The following MINDY4 variants were observed in gnomAD, a reference collection of about 807,000 sequenced individuals.
MINDY4 encodes the protein probable ubiquitin carboxyl-terminal hydrolase MINDY-4.
Under a neutral mutation model 87.0 loss-of-function variants are expected in MINDY4, and 68 were observed. That is an observed-to-expected ratio of 0.78 (90% confidence interval 0.64 to 0.96). The LOEUF (loss-of-function observed/expected upper bound fraction) is 0.96. MINDY4 is among the 40% of genes least tolerant of loss of function. The pLI, the probability that MINDY4 is intolerant of heterozygous loss-of-function variation, is 0.00. For synonymous variants in MINDY4, 379 were observed against 363.2 expected (o/e 1.04, Z -0.50); for missense variants, 919 against 928.2 (o/e 0.99, Z 0.13).
At chr7:30,836,958 G>A (rs11972068) in intron 7 of MINDY4, among the ~76,000 whole-genome samples, 194 bp downstream of exon 7, 2,101 of 152,188 alleles carry the variant, frequency 0.014, 53 homozygotes, top group African/African-American at 0.048. Flanking sequence ...TGCAGCTCTC[G>A]TTCCCTCTCC....
chr7:30,870,162 A>G (rs1474366397), intron 13 of MINDY4, among the ~76,000 whole-genome samples: 2 of 151,912 alleles, frequency 1.3e-5, no homozygotes, highest in African/African-American at 4.8e-5. Context: ...ATTTCCTCCC[A>G]TTGTCCTTTC....
At chr7:30,886,417 C>G (rs566225780) in intron 17 of MINDY4, among the ~76,000 whole-genome samples, 1 of 152,336 alleles carries the variant, frequency 6.6e-6, no homozygotes, top group South Asian at 2.1e-4. Context: ...GCTCTGTTGC[C>G]CTGCAAGAAC....
chr7:30,836,871 C>A, intron 7 of MINDY4, 107 bp downstream of exon 7: 1 of 840,872 alleles, frequency 1.2e-6, no homozygotes, highest in Non-Finnish European at 1.9e-6. Context: ...ATCTCTTGGT[C>A]ATTGTTGAAA....
At chr7:30,843,516 A>C (rs1350794872) in intron 9 of MINDY4, among the ~76,000 whole-genome samples, 1 of 149,832 alleles carries the variant, frequency 6.7e-6, no homozygotes, top group Non-Finnish European at 1.5e-5. Flanking sequence ...GTTTCCCAAC[A>C]GTCAGGACAA....
chr7:30,816,978 T>G (rs1241415502), intron 5 of MINDY4, among the ~76,000 whole-genome samples: 1 of 152,198 alleles, frequency 6.6e-6, no homozygotes, highest in Admixed American at 6.5e-5. Context: ...CTACACATTG[T>G]GATAGTTAGT....
In MINDY4 at chr7:30,839,275, A is replaced by G; in HGVS notation, c.1315A>G (p.Ser439Gly). The change falls in exon 8 of 18, where the codon AGT (serine) becomes GGT (glycine). Residue 439 changes from serine (S) to glycine (G), a missense_variant. Transcript: ENST00000265299. ...ATGGAAACTTCAGAGTTTTTCCTTT[A>G]GTAACACAGCCTCATTAAAATACGG... The part of the protein sequence containing the change: ...EEWKLQSFSF[S>G]NTASLKYGIV... The G allele has an allele frequency of 1.2e-6, 2 of 1,612,634 alleles. No individual in the cohort carries two copies. Among genetic ancestry groups the G allele is most frequent in the Non-Finnish European group, 1.7e-6 (2 of 1,179,480 alleles).
At chr7:30,847,543 TAACTATCTG>T (rs1789260726) in intron 9 of MINDY4, among the ~76,000 whole-genome samples, 1 of 110,746 alleles carries the variant, frequency 9.0e-6, no homozygotes, top group South Asian at 3.0e-4. Flanking sequence ...CAGTTTTTAC[TAACTATCTG>T]ATCTGAGTAA....
chr7:30,850,631 C>G (rs1383882066), intron 10 of MINDY4, 76 bp downstream of exon 10: 2 of 1,342,276 alleles, frequency 1.5e-6, no homozygotes, highest in African/African-American at 2.9e-5. Flanking sequence ...TGTGTATGCT[C>G]CTATCCTTGG....
chr7:30,843,699 G>C (rs757192915), intron 9 of MINDY4, among the ~76,000 whole-genome samples: 1 of 149,832 alleles, frequency 6.7e-6, no homozygotes, highest in Non-Finnish European at 1.5e-5. Context: ...GGATCCCAAG[G>C]GGGTGTCTGG....
chr7:30,846,944 G>A (rs1295987811), intron 9 of MINDY4, among the ~76,000 whole-genome samples: 1 of 152,098 alleles, frequency 6.6e-6, no homozygotes, highest in Non-Finnish European at 1.5e-5. Flanking sequence ...TGGCTCGTCC[G>A]CTGCTCACCT....
Position 30,875,797 on chromosome 7 carries a change from G to A in MINDY4, c.1971+141G>A, listed in dbSNP as rs148103472. On this transcript the variant is annotated intron_variant, in intron 15 of 17. Coordinates refer to ENST00000265299, the MANE Select transcript of MINDY4 (RefSeq NM_032222.3). ...TCCAGTTAGAATCACAGAGGGCTTGGGAAGAAGTACAGCTTCTCTGCTGTG... is the reference window on the plus strand; with the variant it reads ...TCCAGTTAGAATCACAGAGGGCTTGAGAAGAAGTACAGCTTCTCTGCTGTG... 34 of 912,600 alleles carry A rather than the reference G, an allele frequency of 3.7e-5. 1 individual carries two copies. The African/African-American group carries it at 5.3e-4, about 14-fold the overall frequency. 56.5% of individuals were successfully genotyped at this position (912,600 alleles called of 1,614,324 possible). A position where few individuals can be genotyped will look rare whatever the true frequency, so the allele number is the denominator to read the frequency against.
At chr7:30,873,045 T>C (rs1225098760) in intron 14 of MINDY4, among the ~76,000 whole-genome samples, 1 of 152,176 alleles carries the variant, frequency 6.6e-6, no homozygotes, top group Non-Finnish European at 1.5e-5. Flanking sequence ...TGGGCCCAAC[T>C]GAGGACTCAG....
At chr7:30,825,618 A>G (rs947816658) in intron 5 of MINDY4, among the ~76,000 whole-genome samples, 1 of 152,220 alleles carries the variant, frequency 6.6e-6, no homozygotes, top group Non-Finnish European at 1.5e-5. Flanking sequence ...CTGGGTTTGA[A>G]TCCTGACTCT....
chr7:30,775,948 C>G (rs1158857783), intron 1 of MINDY4, among the ~76,000 whole-genome samples: 1 of 152,236 alleles, frequency 6.6e-6, no homozygotes, highest in Non-Finnish European at 1.5e-5. Flanking sequence ...TTGTTCCTTT[C>G]TTGTGCACCT....
At chr7:30,869,373 G>T (rs1790033560) in intron 13 of MINDY4, among the ~76,000 whole-genome samples, 1 of 152,228 alleles carries the variant, frequency 6.6e-6, no homozygotes, top group Non-Finnish European at 1.5e-5. Context: ...GCTTCTGCCT[G>T]TAGTATTGCA....
intron 4 of MINDY4, 119 bp from the exon 5 acceptor site, chr7:30,791,046 A>T: frequency 9.9e-7 from 1 of 1,005,490 alleles, no homozygotes; most frequent in Non-Finnish European, 1.5e-6. Context: ...AAAGAGTCCG[A>T]GGTGGGAAAA....
intron 13 of MINDY4, among the ~76,000 whole-genome samples, chr7:30,860,225 A>G (rs1480780498): frequency 6.6e-6 from 1 of 152,046 alleles, no homozygotes; most frequent in Non-Finnish European, 1.5e-5. Context: ...GCGGGAGGTC[A>G]CAGCAGGAGA....
chr7:30,890,412 A>G (rs1264472109), intron 17 of MINDY4, among the ~76,000 whole-genome samples: 1 of 152,230 alleles, frequency 6.6e-6, no homozygotes, highest in Non-Finnish European at 1.5e-5. Context: ...TGCAATATTA[A>G]TTGTTCCCAA....
intron 5 of MINDY4, among the ~76,000 whole-genome samples, chr7:30,804,108 T>G (rs1787736361): frequency 6.6e-6 from 1 of 152,196 alleles, no homozygotes; most frequent in Non-Finnish European, 1.5e-5. Flanking sequence ...AGAGGTGGTG[T>G]CTCCATTTTG....
Sources: gnomAD v4.1 joint callset for allele counts (sites outside exome capture counted in the v4.1 genomes callset) on GRCh38, gnomAD v4.1.1 for gene constraint, MANE v1.5 for transcripts, NCBI Gene and HGNC (gene_info 2026-07-23, HGNC 2026-07-21) for gene names.